NUBPL: variants seen among roughly 807,000 people sequenced by gnomAD.
The protein encoded by NUBPL is iron-sulfur cluster transfer protein NUBPL.
Under a neutral mutation model 45.7 loss-of-function variants are expected in NUBPL, and 31 were observed. The observed-to-expected ratio is 0.68, with a 90% CI of 0.51 to 0.92. The LOEUF (loss-of-function observed/expected upper bound fraction) is 0.92, where lower values mean the gene tolerates loss of function less well. Among genes scored for constraint, NUBPL ranks in the 40% least tolerant of loss-of-function variants. The pLI, the probability that NUBPL is intolerant of heterozygous loss-of-function variation, is 0.00. For synonymous variants in NUBPL, 144 were observed against 140.9 expected, an observed-to-expected ratio of 1.02 and a Z score of -0.15; for missense variants, 401 against 398.7, an observed-to-expected ratio of 1.01 and a Z score of -0.05.
chr14:31,701,496 C>T (rs539713440), intron 6 of NUBPL, among the ~76,000 whole-genome samples: 8 of 152,264 alleles, frequency 5.3e-5, no homozygotes, highest in Non-Finnish European at 1.5e-5. Context: ...CATGTGGAAG[C>T]TTTGTTCTTT....
intron 8 of NUBPL, among the ~76,000 whole-genome samples, chr14:31,831,510 T>C (rs1184196093): frequency 6.6e-6 from 1 of 151,648 alleles, no homozygotes; most frequent in African/African-American, 2.4e-5. Context: ...TACCATACCA[T>C]ACCATACTAT....
intron 7 of NUBPL, among the ~76,000 whole-genome samples, chr14:31,824,634 A>G (rs1199508630): frequency 6.6e-6 from 1 of 152,140 alleles, no homozygotes; most frequent in Non-Finnish European, 1.5e-5. Flanking sequence ...GCATGCCCAT[A>G]CTGCCATGTG....
At chr14:31,588,454 T>C (rs958208189) in intron 3 of NUBPL, among the ~76,000 whole-genome samples, 1 of 152,080 alleles carries the variant, frequency 6.6e-6, no homozygotes. Context: ...TATTGTATTT[T>C]AAAAAGTAGA....
chr14:31,666,004 CT>C (rs2036401263), intron 4 of NUBPL, among the ~76,000 whole-genome samples: 3 of 151,286 alleles, frequency 2.0e-5, no homozygotes, highest in African/African-American at 7.3e-5. Context: ...CTTTTTTGAT[CT>C]TTGTTGGTTT....
At chr14:31,834,329 T>C (rs935619657) in intron 8 of NUBPL, among the ~76,000 whole-genome samples, 10 of 151,980 alleles carry the variant, frequency 6.6e-5, no homozygotes, top group South Asian at 6.3e-4. Context: ...TACAGGCTCC[T>C]GCCACCATGC....
chr14:31,678,391 A>G (rs755568196), intron 6 of NUBPL, among the ~76,000 whole-genome samples: 3 of 152,204 alleles, frequency 2.0e-5, no homozygotes, highest in Non-Finnish European at 4.4e-5. Flanking sequence ...ACAGCAGGGA[A>G]TGTGCTGTAT....
At chr14:31,573,672 A>G (rs2033646514) in intron 3 of NUBPL, among the ~76,000 whole-genome samples, 2 of 152,068 alleles carry the variant, frequency 1.3e-5, no homozygotes. Context: ...CTGTTATTTC[A>G]TTCCTTAATG....
intron 6 of NUBPL, among the ~76,000 whole-genome samples, chr14:31,736,564 A>G (rs2038170740): frequency 1.3e-5 from 2 of 152,196 alleles, no homozygotes; most frequent in Non-Finnish European, 2.9e-5. Flanking sequence ...GTTGTTATAT[A>G]GTATTACACT....
chr14:31,823,682 G>C (rs2040053773), intron 7 of NUBPL, among the ~76,000 whole-genome samples: 1 of 152,038 alleles, frequency 6.6e-6, no homozygotes, highest in Non-Finnish European at 1.5e-5. Flanking sequence ...ATCTAGTGCA[G>C]GCATTAGTTT....
intron 4 of NUBPL, among the ~76,000 whole-genome samples, chr14:31,628,290 T>C (rs2035259000): frequency 6.6e-6 from 1 of 152,218 alleles, no homozygotes; most frequent in African/African-American, 2.4e-5. Flanking sequence ...GTGGATCTTA[T>C]AGCCATGCAT....
intron 8 of NUBPL, chr14:31,844,189 G>A (rs909174332): frequency 2.6e-5 from 4 of 152,222 alleles, no homozygotes; most frequent in African/African-American, 9.7e-5. Context: ...GTCTTAGGGA[G>A]TCTAAGAGAT....
intron 7 of NUBPL, among the ~76,000 whole-genome samples, chr14:31,798,244 C>A (rs1288235490): frequency 2.7e-5 from 4 of 149,270 alleles, no homozygotes; most frequent in African/African-American, 9.8e-5. Context: ...AGGAAACGTG[C>A]ATTTTATTTT....
rs34890900 is a variant in NUBPL, at chr14:31,683,352, C to CTTTT, written c.513+9798_513+9801dup. Among the ~76,000 whole-genome samples the CTTTT allele has an allele frequency of 7.7e-3, 700 of 91,012 alleles. 3 individuals are homozygous for CTTTT. Among genetic ancestry groups the CTTTT allele is most frequent in the African/African-American group, 0.014 (326 of 23,978 alleles). The allele number at this position is 91,012 out of a possible 152,430, so 59.7% of individuals were successfully genotyped here. A position where few individuals can be genotyped will look rare whatever the true frequency, so the allele number is the denominator to read the frequency against. On this transcript the variant is annotated intron_variant, in intron 6 of 10. Transcript: ENST00000281081. Reference sequence around the variant, plus strand: ...CTTTTAAGCTAGTTAATAAAACAATCTTTTTTTTTTTTTTTTTTTTTTTGT... The same window carrying CTTTT: ...CTTTTAAGCTAGTTAATAAAACAATCTTTTTTTTTTTTTTTTTTTTTTTTTTTGT...
rs1158837324 is a variant in NUBPL at position 31,649,725 on chromosome 14, A to AT, written c.383-23624dup. ...ACATGCTGTTGAGACTGCTGAAGTT[A>AT]TTTTTTAAAAATGTTAAGTATACAT... is the stretch of plus-strand genomic sequence containing the variant. On this transcript the variant is annotated intron_variant, in intron 4 of 10. Transcript: ENST00000281081. 2.6e-5 allele frequency among the ~76,000 whole-genome samples: 4 copies of AT among 152,340 alleles called. No individual in the cohort carries two copies. The East Asian group carries it at 7.7e-4, about 29-fold the overall frequency.
chr14:31,619,432 C>A (rs1005569301), intron 4 of NUBPL, among the ~76,000 whole-genome samples: 5 of 152,194 alleles, frequency 3.3e-5, no homozygotes, highest in Non-Finnish European at 7.3e-5. Flanking sequence ...CCAGTGATTC[C>A]TTTCCACGTT....
chr14:31,691,917 A>G (rs113501335), intron 6 of NUBPL, among the ~76,000 whole-genome samples: 1,605 of 152,258 alleles, frequency 0.011, 24 homozygotes, highest in African/African-American at 0.037. Flanking sequence ...TAATTTCACC[A>G]TATGTCCTTC....
intron 6 of NUBPL, among the ~76,000 whole-genome samples, chr14:31,709,401 A>C (rs1049050816): frequency 1.3e-5 from 2 of 152,244 alleles, no homozygotes; most frequent in African/African-American, 4.8e-5. Context: ...TTGCAACTGC[A>C]GTCCCCATGA....
chr14:31,628,626 T>A (rs1173763191), intron 4 of NUBPL, among the ~76,000 whole-genome samples: 1 of 152,018 alleles, frequency 6.6e-6, no homozygotes, highest in Non-Finnish European at 1.5e-5. Context: ...TGAATAGCCC[T>A]TTTTTTTCTG....
chr14:31,604,566 TG>T (rs1232416809), intron 4 of NUBPL, among the ~76,000 whole-genome samples: 1 of 152,206 alleles, frequency 6.6e-6, no homozygotes, highest in Non-Finnish European at 1.5e-5. Context: ...TTGCAAGCAG[TG>T]GGACTTCAGA....
Sources: gnomAD v4.1 joint callset for allele counts (sites outside exome capture counted in the v4.1 genomes callset) on GRCh38, gnomAD v4.1.1 for gene constraint, MANE v1.5 for transcripts, NCBI Gene and HGNC (gene_info 2026-07-23, HGNC 2026-07-21) for gene names.